The following PCDHGA6 variants were observed in gnomAD, a reference collection of about 807,000 sequenced individuals.
PCDHGA6 encodes protocadherin gamma-A6.
In PCDHGA6, 41 loss-of-function variants were observed where a neutral mutation model predicts 60.6. The observed-to-expected ratio is 0.68, with a 90% CI of 0.53 to 0.88. The LOEUF is 0.88. PCDHGA6 is among the 40% of genes least tolerant of loss of function. The pLI is 0.00. For missense variants in PCDHGA6, 1,312 were observed against 1,203.0 expected, an observed-to-expected ratio of 1.09 and a Z score of -1.34; for synonymous variants, 594 against 524.4, an observed-to-expected ratio of 1.13 and a Z score of -1.81.
At position 141,389,253 on chromosome 5, in the gene PCDHGA6, G is replaced by T. The variant is rs998614321; in HGVS notation, c.2424+12746G>T. The stretch of plus-strand genomic sequence containing the variant: ...GGTTTTCTCACAGTCTTCCTATATA[G>T]TCCACGTGGCCGAGAACAACCCGCC... On this transcript the variant is annotated intron_variant, in intron 1 of 3. Transcript: ENST00000517434. 1.9e-6 allele frequency: 3 copies of T among 1,613,892 alleles called. No homozygotes were observed. The highest frequency in any genetic ancestry group is 2.5e-6 in the Non-Finnish European group (3 of 1,179,902).
intron 2 of PCDHGA6, among the ~76,000 whole-genome samples, chr5:141,497,602 C>T (rs948023459): frequency 2.0e-5 from 3 of 148,260 alleles, no homozygotes; most frequent in East Asian, 2.0e-4. Flanking sequence ...TGCAGTGGTG[C>T]GATCTTGGCT....
chr5:141,419,610 C>T (rs779657777), intron 1 of PCDHGA6: 162 of 1,612,012 alleles, frequency 1.0e-4, no homozygotes, highest in Non-Finnish European at 1.3e-4. Flanking sequence ...GCCGCGCAGC[C>T]AGGCTACCTG....
rs750510871 is a variant in PCDHGA6 at position 141,374,688 on chromosome 5, G to T, written c.605G>T (p.Arg202Leu). ...CTGGTGCTGGAGGGCACACTGGACC[G>T]GGAAGGAGAAGCCGTTTACCGCCTG... ...PELVLEGTLD[R>L]EGEAVYRLVL... The change falls in exon 1 of 4, where the codon CGG (arginine) becomes CTG (leucine). Residue 202 changes from arginine to leucine, a missense_variant. Coordinates refer to ENST00000517434, the MANE Select transcript of PCDHGA6 (RefSeq NM_018919.3). The T allele has an allele frequency of 1.2e-6, 2 of 1,609,528 alleles. No individual in the cohort carries two copies. Among genetic ancestry groups the T allele is most frequent in the South Asian group, 2.2e-5 (2 of 90,588 alleles).
At chr5:141,472,022 T>A (rs949257396) in intron 1 of PCDHGA6, among the ~76,000 whole-genome samples, 6 of 152,176 alleles carry the variant, frequency 3.9e-5, no homozygotes, top group African/African-American at 1.4e-4. Context: ...CTATATTGTA[T>A]GTAGAAAGCT....
intron 1 of PCDHGA6, among the ~76,000 whole-genome samples, chr5:141,451,788 A>C (rs531473040): frequency 6.6e-6 from 1 of 152,140 alleles, no homozygotes; most frequent in African/African-American, 2.4e-5. Flanking sequence ...GGCTGAGGCC[A>C]GAGAATTGCT....
In PCDHGA6 at chr5:141,457,491, A is replaced by G. The variant is rs1462989353; in HGVS notation, c.2425-37316A>G. Among the ~76,000 whole-genome samples, 9 of 152,368 alleles carry G rather than the reference A, an allele frequency of 5.9e-5. No individual in the cohort carries two copies. The East Asian group carries it at 1.5e-3, about 26-fold the overall frequency. On this transcript the variant is annotated intron_variant, in intron 1 of 3. Transcript: ENST00000517434. ...ATAAGCAGGGCCAGGGTTAGTCTAA[A>G]ATGTAGGCAAAAAGCTTAAAAACAA...
intron 1 of PCDHGA6, chr5:141,419,164 C>G: frequency 6.2e-7 from 1 of 1,613,966 alleles, no homozygotes; most frequent in Non-Finnish European, 8.5e-7. Context: ...TATCCTCCAG[C>G]AAAACCATAA....
intron 2 of PCDHGA6, among the ~76,000 whole-genome samples, chr5:141,495,902 C>T (rs749735668): frequency 2.6e-5 from 4 of 152,120 alleles, no homozygotes; most frequent in Non-Finnish European, 2.9e-5. Context: ...TTGTCTCTGT[C>T]TCTGTATATC....
chr5:141,386,911 G>A (rs1312159511), intron 1 of PCDHGA6, among the ~76,000 whole-genome samples: 2 of 152,190 alleles, frequency 1.3e-5, no homozygotes, highest in South Asian at 2.1e-4. Flanking sequence ...AGGTCACCAA[G>A]GAATGTAAAA....
At position 141,507,794 on chromosome 5, in the gene PCDHGA6, C is replaced by CT. The variant is rs576191739; in HGVS notation, c.2572+2314dup. On this transcript the variant is annotated intron_variant, in intron 3 of 3. Coordinates refer to ENST00000517434, the MANE Select transcript of PCDHGA6 (RefSeq NM_018919.3). ...CACAGGGCCTGACCCTCGTCTAAGC[C>CT]TGCGCCCTGGGGAACGGACCCTGGG... 7.9e-4 allele frequency among the ~76,000 whole-genome samples: 120 copies of CT among 152,356 alleles called. 2 individuals carry two copies. The highest frequency in any genetic ancestry group is 2.8e-3 in the African/African-American group (115 of 41,592).
chr5:141,413,686 C>T, intron 1 of PCDHGA6: 4 of 1,613,812 alleles, frequency 2.5e-6, no homozygotes, highest in Non-Finnish European at 3.4e-6. Context: ...CGTGAACTCC[C>T]TGCAGAGCTA....
At chr5:141,465,293 G>A (rs1407146382) in intron 1 of PCDHGA6, among the ~76,000 whole-genome samples, 2 of 152,258 alleles carry the variant, frequency 1.3e-5, no homozygotes, top group South Asian at 2.1e-4. Flanking sequence ...AAAGAACTGA[G>A]AGTCCTGGGA....
intron 1 of PCDHGA6, chr5:141,393,568 T>G (rs549396721): frequency 1.2e-6 from 2 of 1,613,904 alleles, no homozygotes; most frequent in African/African-American, 2.7e-5. Context: ...GTGAAAGTCC[T>G]TGAGAACATG....
intron 1 of PCDHGA6, chr5:141,399,067 G>A (rs774399021): frequency 4.3e-6 from 7 of 1,613,834 alleles, no homozygotes; most frequent in African/African-American, 1.3e-5. Context: ...ATATTCAATG[G>A]TTGTAGAAGG....
At chr5:141,505,616 C>T in intron 3 of PCDHGA6, 135 bp downstream of exon 3, 2 of 1,503,162 alleles carry the variant, frequency 1.3e-6, no homozygotes, top group South Asian at 1.3e-5. Flanking sequence ...CTGAAAGGAC[C>T]CACAATTCCA....
intron 1 of PCDHGA6, chr5:141,426,945 A>G: frequency 8.8e-6 from 4 of 456,724 alleles, no homozygotes; most frequent in Non-Finnish European, 1.8e-5. Context: ...CCCAGTCCCA[A>G]CTGGCACTGC....
intron 1 of PCDHGA6, among the ~76,000 whole-genome samples, chr5:141,457,343 T>C (rs1372992422): frequency 6.6e-6 from 1 of 152,240 alleles, no homozygotes; most frequent in African/African-American, 2.4e-5. Flanking sequence ...TTACTTACTT[T>C]CATTACCTGG....
At chr5:141,510,898 T>C in intron 3 of PCDHGA6, 49 bp from the exon 4 acceptor site, 1 of 1,613,278 alleles carries the variant, frequency 6.2e-7, no homozygotes, top group Non-Finnish European at 8.5e-7. Context: ...ACAGTGACTG[T>C]TGAGGACCCT....
chr5:141,419,207 CCGGTTTTCGGACAGT>C, intron 1 of PCDHGA6: 5 of 1,613,998 alleles, frequency 3.1e-6, no homozygotes, highest in Non-Finnish European at 4.2e-6. Flanking sequence ...TGACAACGCG[CCGGTTTTCGGACAGT>C]CAGCCTACCT....
Sources: allele counts gnomAD v4.1 joint callset (sites outside exome capture counted in the v4.1 genomes callset), GRCh38; gene constraint gnomAD v4.1.1; transcripts MANE v1.5; gene names NCBI Gene and HGNC (gene_info 2026-07-23, HGNC 2026-07-21).